The following DDX1 variants were observed in gnomAD, a reference collection of about 807,000 sequenced individuals.
The protein encoded by DDX1 is DEAD-box helicase 1, also known as ATP-dependent RNA helicase DDX1.
Under a neutral mutation model 108.7 loss-of-function variants are expected in DDX1, and 28 were observed. The observed-to-expected ratio is 0.26, with a 90% CI of 0.19 to 0.35. The LOEUF is 0.35. DDX1 is among the 10% of genes least tolerant of loss of function. The pLI is 1.00. For missense variants in DDX1, 710 were observed against 884.5 expected, an observed-to-expected ratio of 0.80 and a Z score of 2.50; for synonymous variants, 295 against 288.9, an observed-to-expected ratio of 1.02 and a Z score of -0.21.
intron 17 of DDX1, 128 bp downstream of exon 17, chr2:15,620,524 C>A: frequency 1.6e-6 from 1 of 628,714 alleles, no homozygotes; most frequent in Non-Finnish European, 2.6e-6. Flanking sequence ...ACATCGTAAA[C>A]CCTTAGACCT....
intron 7 of DDX1, among the ~76,000 whole-genome samples, chr2:15,602,838 C>A (rs945373481): frequency 6.6e-5 from 10 of 152,110 alleles, no homozygotes; most frequent in Non-Finnish European, 1.5e-5. Context: ...CGCAGCTTCC[C>A]GAGTAGCTGG....
chr2:15,616,049 T>G (rs1665887919), intron 14 of DDX1, among the ~76,000 whole-genome samples: 1 of 133,496 alleles, frequency 7.5e-6, no homozygotes, highest in African/African-American at 3.0e-5. Context: ...CACGCCGCCA[T>G]GCCCGGCTAA....
At chr2:15,608,501 C>T (rs1359711531) in intron 13 of DDX1, among the ~76,000 whole-genome samples, 1 of 148,678 alleles carries the variant, frequency 6.7e-6, no homozygotes, top group Non-Finnish European at 1.5e-5. Context: ...GCACTCCAGC[C>T]TGGGCAACAG....
Position 15,627,036 on chromosome 2 carries a change from T to C in DDX1, c.1595-18T>C. Reference sequence around the variant, plus strand: ...AGAAGATTTTCCAAGGTTAAATGCTTAATGTGCTTTTCACTAGGACCTGAT... The same window carrying C: ...AGAAGATTTTCCAAGGTTAAATGCTCAATGTGCTTTTCACTAGGACCTGAT... On this transcript the variant is annotated intron_variant, in intron 19 of 25. Transcript: ENST00000233084. 1 of 1,552,498 alleles carries C rather than the reference T, an allele frequency of 6.4e-7. No homozygotes were observed. The highest frequency in any genetic ancestry group is 8.8e-7 in the Non-Finnish European group (1 of 1,131,398).
intron 13 of DDX1, among the ~76,000 whole-genome samples, chr2:15,612,328 G>A (rs1218137549): frequency 2.6e-5 from 4 of 151,828 alleles, no homozygotes; most frequent in Admixed American, 1.3e-4. Flanking sequence ...CATCCCAGAC[G>A]GGGCGGCGGG....
At chr2:15,621,743 C>A (rs1305851230) in intron 18 of DDX1, among the ~76,000 whole-genome samples, 1 of 151,876 alleles carries the variant, frequency 6.6e-6, no homozygotes, top group Admixed American at 6.6e-5. Context: ...ACCTCTGCCT[C>A]CCAGGCTCAA....
At chr2:15,608,391 G>A (rs760544807) in intron 13 of DDX1, among the ~76,000 whole-genome samples, 3 of 152,110 alleles carry the variant, frequency 2.0e-5, no homozygotes, top group East Asian at 1.9e-4. Flanking sequence ...GCTGGGCTTC[G>A]TGGCAGAGAC....
chr2:15,592,777 C>T (rs1053018301), intron 1 of DDX1, among the ~76,000 whole-genome samples: 4 of 152,014 alleles, frequency 2.6e-5, no homozygotes, highest in Non-Finnish European at 4.4e-5. Context: ...AAATGTATCA[C>T]GTTAGGCCTA....
In DDX1 at chr2:15,591,928, G is replaced by T; in HGVS notation, c.-6G>T. 2 of 1,449,712 alleles carry T rather than the reference G, an allele frequency of 1.4e-6. No individual in the cohort carries two copies. The highest frequency in any genetic ancestry group is 5.7e-5 in the Admixed American group (2 of 35,010). 89.8% of individuals were successfully genotyped at this position (1,449,712 alleles called of 1,614,324 possible). A position where few individuals can be genotyped will look rare whatever the true frequency, so the allele number is the denominator to read the frequency against. Reference sequence around the variant, plus strand: ...AGCAGGCGAAGCCGCGGAGGACGGGGTGAAGATGGCGGCCTTCTCCGGTGC... The same window carrying T: ...AGCAGGCGAAGCCGCGGAGGACGGGTTGAAGATGGCGGCCTTCTCCGGTGC... On this transcript the variant is annotated 5_prime_UTR_variant, in exon 1 of 26. Transcript: ENST00000233084.
chr2:15,602,725 G>A, intron 7 of DDX1, 94 bp downstream of exon 7: 1 of 1,010,274 alleles, frequency 9.9e-7, no homozygotes, highest in East Asian at 2.5e-5. Flanking sequence ...TTTTGAGATG[G>A]AGTCTCGCAC....
intron 16 of DDX1, among the ~76,000 whole-genome samples, 171 bp downstream of exon 16, chr2:15,618,441 C>G (rs1665935913): frequency 6.6e-6 from 1 of 152,212 alleles, no homozygotes; most frequent in Admixed American, 6.5e-5. Context: ...GTGCTCAGCT[C>G]TCACTACCAG....
chr2:15,624,865 A>G (rs1666073182), intron 19 of DDX1, among the ~76,000 whole-genome samples: 1 of 152,204 alleles, frequency 6.6e-6, no homozygotes. Flanking sequence ...TGGTGAGAAT[A>G]TAAAATGGTA....
chr2:15,595,637 A>G, intron 3 of DDX1, 84 bp downstream of exon 3: 1 of 941,902 alleles, frequency 1.1e-6, no homozygotes, highest in Non-Finnish European at 1.7e-6. Context: ...CTTTACCTTT[A>G]TTCACAAACA....
intron 19 of DDX1, among the ~76,000 whole-genome samples, chr2:15,625,957 C>T (rs1267209845): frequency 6.6e-6 from 1 of 151,348 alleles, no homozygotes; most frequent in Non-Finnish European, 1.5e-5. Context: ...TTTTGTAGTA[C>T]TTAATTTTCT....
intron 16 of DDX1, among the ~76,000 whole-genome samples, chr2:15,619,320 C>T (rs972023912): frequency 1.3e-5 from 2 of 152,214 alleles, no homozygotes; most frequent in African/African-American, 4.8e-5. Context: ...CGGGCAAGAG[C>T]GGCAACACGG....
At chr2:15,619,300 G>A (rs908642137) in intron 16 of DDX1, among the ~76,000 whole-genome samples, 13 of 152,230 alleles carry the variant, frequency 8.5e-5, no homozygotes, top group Non-Finnish European at 1.6e-4. Flanking sequence ...TGCCCTCCCC[G>A]CAGCAGTGGC....
Position 15,618,245 on chromosome 2 carries a change from T to C in DDX1, c.1181T>C (p.Val394Ala), listed in dbSNP as rs1397397612. The C allele has an allele frequency of 6.3e-7, 1 of 1,584,096 alleles. No individual in the cohort carries two copies. The highest frequency in any genetic ancestry group is 1.7e-5 in the Admixed American group (1 of 59,800). ...INRMHNQIPQ[V>A]TSDGKRLQVI... is the part of the protein sequence containing the mutation. Reference sequence around the variant, plus strand: ...AGGATGCACAATCAGATTCCTCAGGTTACCTCTGATGGAAAAAGACTTCAG... The same window carrying C: ...AGGATGCACAATCAGATTCCTCAGGCTACCTCTGATGGAAAAAGACTTCAG... Residue 394 changes from valine (V) to alanine (A), a missense_variant, in exon 16 of 26, where the codon GTT (valine) becomes GCT (alanine). This residue lies in a region of DDX1 where 661 missense variants were observed against 810.2 expected (regional missense o/e 0.82). Transcript: ENST00000233084.
At chr2:15,621,820 A>T (rs1214185652) in intron 18 of DDX1, among the ~76,000 whole-genome samples, 1 of 145,828 alleles carries the variant, frequency 6.9e-6, no homozygotes, top group Non-Finnish European at 1.5e-5. Flanking sequence ...CACCTGGCTA[A>T]TTTTTGTGTT....
intron 25 of DDX1, among the ~76,000 whole-genome samples, chr2:15,630,426 G>A (rs1666173376): frequency 6.6e-6 from 1 of 152,182 alleles, no homozygotes; most frequent in Non-Finnish European, 1.5e-5. Flanking sequence ...CAAGGAATCA[G>A]AAGCCTTTGA....
Sources: gnomAD v4.1 joint callset for allele counts (sites outside exome capture counted in the v4.1 genomes callset) on GRCh38, gnomAD v4.1.1 for gene constraint, gnomAD v4.1.1 regional missense constraint, MANE v1.5 for transcripts, NCBI Gene and HGNC (gene_info 2026-07-23, HGNC 2026-07-21) for gene names.